The following NRG3 variants were observed in gnomAD, a reference collection of about 807,000 sequenced individuals.
The protein encoded by NRG3 is neuregulin 3.
Under a neutral mutation model 66.9 loss-of-function variants are expected in NRG3, and 31 were observed. The ratio of observed to expected loss-of-function variants is 0.46; its 90% CI spans 0.35 to 0.63. NRG3 has a LOEUF of 0.63. NRG3 is among the 20% of genes least tolerant of loss of function. NRG3 has a pLI of 0.00. For missense variants in NRG3, 910 were observed against 878.9 expected, an observed-to-expected ratio of 1.04 and a Z score of -0.45; for synonymous variants, 393 against 359.4, an observed-to-expected ratio of 1.09 and a Z score of -1.06.
chr10:82,982,259 G>A (rs1278466748), intron 8 of NRG3, among the ~76,000 whole-genome samples: 1 of 152,142 alleles, frequency 6.6e-6, no homozygotes, highest in Non-Finnish European at 1.5e-5. Flanking sequence ...AAATTCCTTA[G>A]CCTGACTCAT....
At chr10:82,601,840 A>G (rs1258388367) in intron 2 of NRG3, among the ~76,000 whole-genome samples, 2 of 147,652 alleles carry the variant, frequency 1.4e-5, no homozygotes, top group East Asian at 4.0e-4. Context: ...TAAGACAACC[A>G]TCTCTGCTAA....
At chr10:82,841,711 A>G (rs1336990817) in intron 3 of NRG3, among the ~76,000 whole-genome samples, 1 of 152,222 alleles carries the variant, frequency 6.6e-6, no homozygotes, top group Non-Finnish European at 1.5e-5. Context: ...AACCAATTGT[A>G]GATGTTAACC....
chr10:82,247,349 C>G (rs1050058709), intron 1 of NRG3, among the ~76,000 whole-genome samples: 2 of 152,124 alleles, frequency 1.3e-5, no homozygotes, highest in African/African-American at 2.4e-5. Context: ...TGTGTGGGCT[C>G]TCTTCTGGGC....
At chr10:82,973,573 A>G (rs1224249349) in intron 6 of NRG3, among the ~76,000 whole-genome samples, 1 of 152,188 alleles carries the variant, frequency 6.6e-6, no homozygotes, top group Non-Finnish European at 1.5e-5. Flanking sequence ...ACCCTCTTCA[A>G]TGGATCCTGA....
intron 1 of NRG3, among the ~76,000 whole-genome samples, chr10:82,165,488 T>A (rs1227156072): frequency 2.0e-5 from 3 of 152,040 alleles, no homozygotes; most frequent in Non-Finnish European, 4.4e-5. Context: ...TAGGGAAATG[T>A]TAATATTTTT....
At chr10:82,907,621 C>T (rs556449578) in intron 4 of NRG3, among the ~76,000 whole-genome samples, 7 of 152,168 alleles carry the variant, frequency 4.6e-5, no homozygotes, top group South Asian at 2.1e-4. Flanking sequence ...ATGGAACCTT[C>T]GTAGTTGCTA....
chr10:82,254,331 C>T (rs1215525333), intron 1 of NRG3, among the ~76,000 whole-genome samples: 1 of 152,124 alleles, frequency 6.6e-6, no homozygotes, highest in Non-Finnish European at 1.5e-5. Context: ...GTGTTAACCT[C>T]CCAGAACCTA....
chr10:82,752,886 C>T (rs1388412938), intron 3 of NRG3, among the ~76,000 whole-genome samples: 16 of 152,268 alleles, frequency 1.1e-4, no homozygotes, highest in Middle Eastern at 3.4e-3. Flanking sequence ...TATTTATAAA[C>T]GACCCAGTTT....
chr10:82,063,712 A>C (rs1325009142), intron 1 of NRG3, among the ~76,000 whole-genome samples: 1 of 152,182 alleles, frequency 6.6e-6, no homozygotes, highest in Non-Finnish European at 1.5e-5. Context: ...GAACTAAAGA[A>C]AGGAACTAAA....
chr10:82,807,438 G>T (rs1212264015), intron 3 of NRG3, among the ~76,000 whole-genome samples: 1 of 152,174 alleles, frequency 6.6e-6, no homozygotes, highest in Non-Finnish European at 1.5e-5. Context: ...GGTGTGTGGA[G>T]TGTTGCTACT....
intron 1 of NRG3, among the ~76,000 whole-genome samples, chr10:82,293,456 A>T (rs1354177247): frequency 6.6e-6 from 1 of 152,194 alleles, no homozygotes; most frequent in Non-Finnish European, 1.5e-5. Flanking sequence ...TTACAGAATC[A>T]CACTTTGGTG....
In NRG3 at chr10:82,985,086, T is replaced by A; in HGVS notation, c.1584-12T>A. 1 of 1,610,922 alleles carries A rather than the reference T, an allele frequency of 6.2e-7. No individual in the cohort carries two copies. The highest frequency in any genetic ancestry group is 8.5e-7 in the Non-Finnish European group (1 of 1,178,444). ...AGAAAGCAGAAGGAGTAACACTGTG[T>A]TTCTTTTTCAGGTATTCATCCAGTG... On this transcript the variant is annotated splice_polypyrimidine_tract_variant and intron_variant, in intron 8 of 8. Coordinates refer to ENST00000372141, the MANE Select transcript of NRG3 (RefSeq NM_001010848.4).
chr10:82,972,434 C>T (rs1350903588), intron 6 of NRG3, among the ~76,000 whole-genome samples: 3 of 152,122 alleles, frequency 2.0e-5, no homozygotes, highest in Non-Finnish European at 4.4e-5. Context: ...TTAAAGCCGA[C>T]ATTTTAAGAA....
At chr10:82,379,129 G>A (rs981706844) in intron 2 of NRG3, among the ~76,000 whole-genome samples, 29 of 152,120 alleles carry the variant, frequency 1.9e-4, no homozygotes, top group African/African-American at 6.5e-4. Flanking sequence ...CTGGGAGATT[G>A]AACATGAAGC....
At position 82,794,163 on chromosome 10, in the gene NRG3, G is replaced by T. The variant is rs555102623; in HGVS notation, c.1027+55513G>T. On this transcript the variant is annotated intron_variant, in intron 3 of 8. Transcript: ENST00000372141. ...TGTTCTATGTTTGGAGCATAGGAAGGTGCCTCAGATAATAAATTAAATATC... is the reference window on the plus strand; with the variant it reads ...TGTTCTATGTTTGGAGCATAGGAAGTTGCCTCAGATAATAAATTAAATATC... Among the ~76,000 whole-genome samples, 5 of 152,194 alleles carry T rather than the reference G, an allele frequency of 3.3e-5. No individual in the cohort carries two copies. In the South Asian group the frequency reaches 1.0e-3, roughly 32 times the overall value.
At chr10:82,875,218 G>T (rs1841701676) in intron 4 of NRG3, among the ~76,000 whole-genome samples, 1 of 152,152 alleles carries the variant, frequency 6.6e-6, no homozygotes, top group Admixed American at 6.5e-5. Context: ...TATCTCCTCT[G>T]ATAGAAAACA....
At chr10:82,349,497 A>G (rs900248329) in intron 1 of NRG3, among the ~76,000 whole-genome samples, 198 of 151,860 alleles carry the variant, frequency 1.3e-3, no homozygotes, top group African/African-American at 4.4e-3. Flanking sequence ...TTAAGTCTGC[A>G]GAGGTTACTG....
At chr10:82,215,676 C>A (rs2133698968) in intron 1 of NRG3, among the ~76,000 whole-genome samples, 1 of 152,236 alleles carries the variant, frequency 6.6e-6, no homozygotes, top group African/African-American at 2.4e-5. Context: ...ACTTGTATCA[C>A]ACAGGCAGAC....
chr10:82,980,594 A>G (rs1852764876), intron 8 of NRG3, among the ~76,000 whole-genome samples: 1 of 152,118 alleles, frequency 6.6e-6, no homozygotes, highest in South Asian at 2.1e-4. Context: ...CTCTTTTCAT[A>G]TGGGCATGGG....
Sources: allele counts gnomAD v4.1 joint callset (sites outside exome capture counted in the v4.1 genomes callset), GRCh38; gene constraint gnomAD v4.1.1; transcripts MANE v1.5; gene names NCBI Gene and HGNC (gene_info 2026-07-23, HGNC 2026-07-21).